Variants in PCDH9 observed in about 807,000 individuals in gnomAD.
PCDH9 encodes the protein protocadherin 9, also known as protocadherin-9.
Under a neutral mutation model 70.6 loss-of-function variants are expected in PCDH9, and 24 were observed. The ratio of observed to expected loss-of-function variants is 0.34; its 90% CI spans 0.25 to 0.48. The LOEUF (loss-of-function observed/expected upper bound fraction) is 0.48, where lower values mean the gene tolerates loss of function less well. Ranked by LOEUF, PCDH9 falls within the 20% of genes least tolerant of loss-of-function variation. PCDH9 has a pLI of 0.99. For missense variants in PCDH9, 1,281 were observed against 1,503.6 expected, an observed-to-expected ratio of 0.85 and a Z score of 2.45; for synonymous variants, 562 against 558.5, an observed-to-expected ratio of 1.01 and a Z score of -0.09.
At chr13:66,411,457 A>AT (rs1335522291) in intron 4 of PCDH9, among the ~76,000 whole-genome samples, 3 of 151,786 alleles carry the variant, frequency 2.0e-5, no homozygotes, top group East Asian at 1.9e-4. Flanking sequence ...CAGCTAATTA[A>AT]TTTTTTTTCT....
intron 3 of PCDH9, among the ~76,000 whole-genome samples, chr13:66,827,901 A>G (rs989786057): frequency 2.0e-5 from 3 of 152,314 alleles, no homozygotes; most frequent in East Asian, 1.9e-4. Context: ...AAAAGATAAG[A>G]AACTTACCCC....
chr13:66,433,457 A>G (rs1292277801), intron 4 of PCDH9, among the ~76,000 whole-genome samples: 1 of 151,600 alleles, frequency 6.6e-6, no homozygotes, highest in African/African-American at 2.4e-5. Flanking sequence ...TTTTCAAGCT[A>G]TTTATCTATT....
At chr13:66,479,101 CTCTG>C (rs1435974213) in intron 4 of PCDH9, among the ~76,000 whole-genome samples, 2 of 152,186 alleles carry the variant, frequency 1.3e-5, no homozygotes, top group Non-Finnish European at 2.9e-5. Context: ...GCTAAATCTA[CTCTG>C]TCTGTGCTCT....
chr13:67,061,248 A>T (rs1398632838), intron 2 of PCDH9, among the ~76,000 whole-genome samples: 2 of 152,010 alleles, frequency 1.3e-5, no homozygotes, highest in East Asian at 1.9e-4. Context: ...ACTTCTGGAG[A>T]TCATACCTTG....
chr13:66,404,021 C>T (rs1049932696), intron 4 of PCDH9, among the ~76,000 whole-genome samples: 11 of 152,198 alleles, frequency 7.2e-5, no homozygotes, highest in South Asian at 2.1e-4. Context: ...GTCTGCAACA[C>T]GGATAATGCT....
chr13:66,867,017 T>TG (rs35063828), intron 3 of PCDH9, among the ~76,000 whole-genome samples: 4 of 54,258 alleles, frequency 7.4e-5, no homozygotes, highest in Non-Finnish European at 1.9e-4. Flanking sequence ...AGTTTCTTTC[T>TG]TTTTTTTTTT....
chr13:66,751,920 G>A (rs1448503261), intron 3 of PCDH9, among the ~76,000 whole-genome samples: 1 of 152,154 alleles, frequency 6.6e-6, no homozygotes, highest in Non-Finnish European at 1.5e-5. Flanking sequence ...TTTAGTGCTG[G>A]TAACAAGAAA....
chr13:66,420,211 A>C (rs930451974), intron 4 of PCDH9, among the ~76,000 whole-genome samples: 1 of 152,192 alleles, frequency 6.6e-6, no homozygotes, highest in Admixed American at 6.5e-5. Flanking sequence ...TCCCTGGGAC[A>C]GAGCACCGAG....
At chr13:66,761,580 G>C (rs1211465735) in intron 3 of PCDH9, among the ~76,000 whole-genome samples, 1 of 151,536 alleles carries the variant, frequency 6.6e-6, no homozygotes, top group Non-Finnish European at 1.5e-5. Flanking sequence ...TAAATAACTT[G>C]TCTTTGAGTT....
chr13:67,096,433 T>C (rs970735904), intron 2 of PCDH9, among the ~76,000 whole-genome samples: 2 of 152,104 alleles, frequency 1.3e-5, no homozygotes, highest in African/African-American at 4.8e-5. Flanking sequence ...TTCTTAAGAG[T>C]AGAAAGAGAG....
Position 66,709,376 on chromosome 13 carries a change from G to T in PCDH9, c.3139-77965C>A, listed in dbSNP as rs1018360888. The stretch of plus-strand genomic sequence containing the variant: ...TGTATCATAGAAAATCATTATTAAG[G>T]GTTTCTGAATTGAAACTTGTATTTG... On this transcript the variant is annotated intron_variant, in intron 3 of 4. Coordinates refer to ENST00000377865, the MANE Select transcript of PCDH9 (RefSeq NM_203487.3). 2.6e-5 allele frequency among the ~76,000 whole-genome samples: 4 copies of T among 152,066 alleles called. No homozygotes were observed. In the East Asian group the frequency reaches 7.7e-4, roughly 29 times the overall value.
intron 3 of PCDH9, among the ~76,000 whole-genome samples, chr13:66,694,999 G>T (rs961687835): frequency 6.7e-4 from 101 of 151,764 alleles, no homozygotes; most frequent in Non-Finnish European, 1.2e-3. Context: ...CGCCTCCCAG[G>T]TTCATGCCAT....
At chr13:66,984,275 T>A (rs2083842880) in intron 2 of PCDH9, among the ~76,000 whole-genome samples, 1 of 152,172 alleles carries the variant, frequency 6.6e-6, no homozygotes, top group African/African-American at 2.4e-5. Flanking sequence ...ACATTTGCCA[T>A]CTACAAGGGT....
At chr13:66,358,274 G>A (rs184784749) in intron 4 of PCDH9, among the ~76,000 whole-genome samples, 1 of 151,814 alleles carries the variant, frequency 6.6e-6, no homozygotes, top group Non-Finnish European at 1.5e-5. Flanking sequence ...TTTTGTTTCA[G>A]TATAGTACCT....
At chr13:66,585,028 G>C (rs2076943976) in intron 4 of PCDH9, among the ~76,000 whole-genome samples, 3 of 152,146 alleles carry the variant, frequency 2.0e-5, no homozygotes, top group African/African-American at 4.8e-5. Context: ...CATATGATTG[G>C]GGGTAGGGGG....
chr13:66,740,569 A>C (rs1452445531), intron 3 of PCDH9, among the ~76,000 whole-genome samples: 1 of 147,644 alleles, frequency 6.8e-6, no homozygotes, highest in Non-Finnish European at 1.5e-5. Flanking sequence ...TTTTGAAAGG[A>C]TCACCAAAAG....
At chr13:66,677,596 T>C (rs556834628) in intron 3 of PCDH9, among the ~76,000 whole-genome samples, 258 of 152,158 alleles carry the variant, frequency 1.7e-3, no homozygotes, top group Middle Eastern at 6.8e-3. Flanking sequence ...TTTAAAAGTG[T>C]GTGGCACTTC....
intron 2 of PCDH9, among the ~76,000 whole-genome samples, chr13:66,949,769 C>T (rs192153499): frequency 7.3e-4 from 111 of 151,794 alleles, no homozygotes; most frequent in Non-Finnish European, 1.2e-3. Context: ...AAGTTAAAGG[C>T]GAAAGGATAC....
At chr13:66,460,280 A>T (rs1269946112) in intron 4 of PCDH9, among the ~76,000 whole-genome samples, 3 of 151,950 alleles carry the variant, frequency 2.0e-5, no homozygotes, top group Non-Finnish European at 4.4e-5. Context: ...TTATAAATAC[A>T]ATACAGATAT....
Sources: allele counts gnomAD v4.1 joint callset (sites outside exome capture counted in the v4.1 genomes callset), GRCh38; gene constraint gnomAD v4.1.1; transcripts MANE v1.5; gene names NCBI Gene and HGNC (gene_info 2026-07-23, HGNC 2026-07-21).